CNTNAP2: variants seen among roughly 807,000 people sequenced by gnomAD.
The protein encoded by CNTNAP2 is contactin associated protein 2.
Under a neutral mutation model 155.2 loss-of-function variants are expected in CNTNAP2, and 98 were observed. That is an observed-to-expected ratio of 0.63 (90% CI 0.54 to 0.75). CNTNAP2 has a LOEUF of 0.75. CNTNAP2 is among the 30% of genes least tolerant of loss of function. The pLI, the probability that CNTNAP2 is intolerant of heterozygous loss-of-function variation, is 0.00. For missense variants in CNTNAP2, 1,727 were observed against 1,688.1 expected (o/e 1.02, Z -0.40); for synonymous variants, 651 against 631.2 (o/e 1.03, Z -0.47).
At chr7:147,955,162 A>G (rs1800998907) in intron 14 of CNTNAP2, among the ~76,000 whole-genome samples, 1 of 152,238 alleles carries the variant, frequency 6.6e-6, no homozygotes, top group African/African-American at 2.4e-5. Context: ...CCTCTGGAGC[A>G]ATAATGATCA....
intron 3 of CNTNAP2, among the ~76,000 whole-genome samples, chr7:147,031,782 G>T (rs765535462): frequency 6.6e-6 from 1 of 152,222 alleles, no homozygotes; most frequent in Non-Finnish European, 1.5e-5. Context: ...GCCGGGCGTG[G>T]TGGCCTGTGC....
intron 8 of CNTNAP2, among the ~76,000 whole-genome samples, chr7:147,164,142 GT>G (rs1485652871): frequency 1.7e-4 from 26 of 152,288 alleles, no homozygotes; most frequent in African/African-American, 5.5e-4. Context: ...TTGAAAGAAC[GT>G]TATTTCATTC....
intron 1 of CNTNAP2, among the ~76,000 whole-genome samples, chr7:146,523,462 A>G (rs1349846200): frequency 6.6e-6 from 1 of 152,106 alleles, no homozygotes; most frequent in Non-Finnish European, 1.5e-5. Flanking sequence ...AAATATTTAA[A>G]TAAAACTAAT....
intron 1 of CNTNAP2, among the ~76,000 whole-genome samples, chr7:146,729,081 C>T (rs1801480885): frequency 6.6e-6 from 1 of 152,154 alleles, no homozygotes; most frequent in African/African-American, 2.4e-5. Flanking sequence ...GGCTGATCCA[C>T]GCGGAGCTCA....
intron 15 of CNTNAP2, among the ~76,000 whole-genome samples, chr7:148,072,303 C>A (rs1803395797): frequency 6.6e-6 from 1 of 152,144 alleles, no homozygotes; most frequent in Non-Finnish European, 1.5e-5. Context: ...GTTTGGCAAG[C>A]TTTTTCTGTA....
rs1382516720 is a variant in CNTNAP2, at chr7:148,416,679, T to TA, written c.*1066dup. The TA allele has an allele frequency of 6.6e-6, 1 of 152,648 alleles. No homozygotes were observed. Among genetic ancestry groups the TA allele is most frequent in the Non-Finnish European group, 1.5e-5 (1 of 68,042 alleles). 9.5% of individuals were successfully genotyped at this position (152,648 alleles called of 1,614,324 possible). ...TGTCCTGTAAATGGACACAACACAATAAAGTCAAGTTATTATTGCTGTTAC... is the reference window on the plus strand; with the variant it reads ...TGTCCTGTAAATGGACACAACACAATAAAAGTCAAGTTATTATTGCTGTTAC... On this transcript the variant is annotated 3_prime_UTR_variant, in exon 24 of 24. Transcript: ENST00000361727.
At chr7:148,123,224 G>A (rs567216151) in intron 16 of CNTNAP2, among the ~76,000 whole-genome samples, 3 of 152,226 alleles carry the variant, frequency 2.0e-5, no homozygotes, top group African/African-American at 7.2e-5. Flanking sequence ...GCATGGATGA[G>A]ATTGCCCAAA....
intron 10 of CNTNAP2, among the ~76,000 whole-genome samples, chr7:147,471,139 G>A (rs6464810): frequency 0.78 from 118,520 of 152,088 alleles, 46,555 homozygotes; most frequent in African/African-American, 0.87. Flanking sequence ...CTAATCACCT[G>A]TCAGATGACC....
chr7:147,468,764 C>T (rs1798162022), intron 10 of CNTNAP2, among the ~76,000 whole-genome samples: 1 of 152,150 alleles, frequency 6.6e-6, no homozygotes, highest in African/African-American at 2.4e-5. Context: ...TGACATTCCT[C>T]ACTACTTAAA....
chr7:148,066,254 A>G (rs1006843841), intron 15 of CNTNAP2, among the ~76,000 whole-genome samples: 5 of 152,258 alleles, frequency 3.3e-5, no homozygotes, highest in Non-Finnish European at 5.9e-5. Context: ...CCTAATGACT[A>G]TGTGCTAGGT....
intron 1 of CNTNAP2, among the ~76,000 whole-genome samples, chr7:146,478,879 A>T (rs1158594384): frequency 6.6e-6 from 1 of 152,160 alleles, no homozygotes; most frequent in East Asian, 1.9e-4. Flanking sequence ...GTAGTTATAT[A>T]ATATGTAAAT....
chr7:147,131,043 C>CAT (rs1030172658), intron 7 of CNTNAP2, among the ~76,000 whole-genome samples: 8 of 62,080 alleles, frequency 1.3e-4, no homozygotes, highest in Non-Finnish European at 1.8e-4. Context: ...TATATATACA[C>CAT]ATATATATAT....
At chr7:147,573,435 T>G (rs764065386) in intron 12 of CNTNAP2, among the ~76,000 whole-genome samples, 1 of 152,210 alleles carries the variant, frequency 6.6e-6, no homozygotes, top group Non-Finnish European at 1.5e-5. Flanking sequence ...TGCTTTTATG[T>G]GCATCCATGT....
chr7:147,817,830 A>G (rs1192894708), intron 13 of CNTNAP2, among the ~76,000 whole-genome samples: 1 of 150,578 alleles, frequency 6.6e-6, no homozygotes, highest in Admixed American at 6.7e-5. Flanking sequence ...GCGTGAACCC[A>G]GGAGGTGGAT....
intron 11 of CNTNAP2, among the ~76,000 whole-genome samples, chr7:147,518,348 A>T (rs1380419479): frequency 6.6e-6 from 1 of 152,218 alleles, no homozygotes; most frequent in East Asian, 1.9e-4. Flanking sequence ...GGGGAGAGAA[A>T]AAATAAATGA....
chr7:146,813,577 G>T (rs1803109100), intron 2 of CNTNAP2, among the ~76,000 whole-genome samples: 1 of 152,104 alleles, frequency 6.6e-6, no homozygotes, highest in Non-Finnish European at 1.5e-5. Flanking sequence ...GATTTTACAG[G>T]CTTATAGGTG....
At chr7:146,721,865 G>A (rs1801337139) in intron 1 of CNTNAP2, among the ~76,000 whole-genome samples, 2 of 91,324 alleles carry the variant, frequency 2.2e-5, no homozygotes, top group Admixed American at 2.0e-4. Context: ...TTATATGTGT[G>A]TGTGTGTGTG....
intron 1 of CNTNAP2, among the ~76,000 whole-genome samples, chr7:146,462,262 A>G (rs988136548): frequency 6.6e-6 from 1 of 152,194 alleles, no homozygotes; most frequent in Non-Finnish European, 1.5e-5. Flanking sequence ...TGTATAATTT[A>G]TCAGTTCTCT....
intron 9 of CNTNAP2, among the ~76,000 whole-genome samples, chr7:147,328,294 G>A (rs1035302372): frequency 1.3e-5 from 2 of 152,176 alleles, no homozygotes; most frequent in Non-Finnish European, 2.9e-5. Flanking sequence ...TCTCAGCAAA[G>A]GATGTAGATC....
Sources: gnomAD v4.1 joint callset for allele counts (sites outside exome capture counted in the v4.1 genomes callset) on GRCh38, gnomAD v4.1.1 for gene constraint, MANE v1.5 for transcripts, NCBI Gene and HGNC (gene_info 2026-07-23, HGNC 2026-07-21) for gene names.